Variants in FOXN3 observed in about 807,000 individuals in gnomAD.
FOXN3 encodes forkhead box protein N3.
FOXN3 carries 7 observed loss-of-function variants against 38.4 expected under a neutral mutation model. That is an observed-to-expected ratio of 0.18 (90% CI 0.10 to 0.34). The LOEUF is 0.34. Ranked by LOEUF, FOXN3 falls within the 10% of genes least tolerant of loss-of-function variation. The probability of loss-of-function intolerance (pLI) is 1.00; values close to 1 mark genes in which losing one functional copy is unlikely to be tolerated. For missense variants in FOXN3, 456 were observed against 613.4 expected, an observed-to-expected ratio of 0.74 and a Z score of 2.71; for synonymous variants, 230 against 242.2, an observed-to-expected ratio of 0.95 and a Z score of 0.47.
intron 1 of FOXN3, among the ~76,000 whole-genome samples, chr14:89,415,884 C>CACACACACACACACACACACA (rs1566647933): frequency 3.2e-5 from 3 of 93,300 alleles, no homozygotes; most frequent in African/African-American, 1.1e-4. Context: ...ACACACACAC[C>CACACACACACACACACACACA]CTCTTTTGTT....
chr14:89,218,724 G>A (rs923183979), intron 4 of FOXN3, among the ~76,000 whole-genome samples: 1 of 152,106 alleles, frequency 6.6e-6, no homozygotes, highest in African/African-American at 2.4e-5. Flanking sequence ...CCTTGCACAC[G>A]TCTGGCTGTG....
intron 1 of FOXN3, among the ~76,000 whole-genome samples, chr14:89,424,872 T>C (rs1891989473): frequency 6.6e-6 from 1 of 152,018 alleles, no homozygotes; most frequent in African/African-American, 2.4e-5. Context: ...GTTATTTTTA[T>C]TTTTCAGATC....
intron 2 of FOXN3, among the ~76,000 whole-genome samples, chr14:89,405,405 G>A (rs1161752183): frequency 2.6e-5 from 4 of 152,014 alleles, no homozygotes; most frequent in African/African-American, 9.7e-5. Context: ...CTAAAGTGTG[G>A]GATTACAGAC....
intron 3 of FOXN3, among the ~76,000 whole-genome samples, chr14:89,299,030 C>A (rs1042686586): frequency 4.1e-5 from 6 of 147,328 alleles, no homozygotes; most frequent in Admixed American, 3.3e-4. Context: ...AGTTCTCCAG[C>A]TGCTTCCCTG....
At chr14:89,375,663 A>T (rs1252482520) in intron 2 of FOXN3, among the ~76,000 whole-genome samples, 1 of 152,170 alleles carries the variant, frequency 6.6e-6, no homozygotes, top group East Asian at 1.9e-4. Flanking sequence ...CTAAGAAAAA[A>T]CTCAGTAACA....
chr14:89,492,902 G>T (rs1407509961), intron 1 of FOXN3, among the ~76,000 whole-genome samples: 1 of 152,140 alleles, frequency 6.6e-6, no homozygotes, highest in Non-Finnish European at 1.5e-5. Context: ...TCAAGTCCCT[G>T]GTTTATAATC....
At chr14:89,574,144 T>C (rs887998794) in intron 1 of FOXN3, among the ~76,000 whole-genome samples, 4 of 152,180 alleles carry the variant, frequency 2.6e-5, no homozygotes, top group Non-Finnish European at 4.4e-5. Flanking sequence ...TTTGCAATTA[T>C]TGTTGGTCTG....
At chr14:89,579,725 C>T (rs1039592487) in intron 1 of FOXN3, among the ~76,000 whole-genome samples, 4 of 152,108 alleles carry the variant, frequency 2.6e-5, no homozygotes, top group African/African-American at 7.2e-5. Context: ...GCAGAGAACC[C>T]GTATCTGGCC....
chr14:89,471,377 G>A (rs1161383814), intron 1 of FOXN3, among the ~76,000 whole-genome samples: 1 of 152,090 alleles, frequency 6.6e-6, no homozygotes, highest in Non-Finnish European at 1.5e-5. Context: ...CAAGGTGGAT[G>A]GATTGCTTGA....
At chr14:89,253,668 T>C (rs182178913) in intron 4 of FOXN3, among the ~76,000 whole-genome samples, 73 of 152,306 alleles carry the variant, frequency 4.8e-4, no homozygotes, top group Non-Finnish European at 7.4e-4. Context: ...AAAAACAGAA[T>C]GTACAGACAT....
intron 1 of FOXN3, among the ~76,000 whole-genome samples, chr14:89,580,717 T>G (rs1393843122): frequency 6.6e-6 from 1 of 152,240 alleles, no homozygotes; most frequent in Non-Finnish European, 1.5e-5. Flanking sequence ...GCTCCATAAT[T>G]GATGCAAGTT....
chr14:89,422,779 G>A (rs1891942139), intron 1 of FOXN3, among the ~76,000 whole-genome samples: 1 of 152,154 alleles, frequency 6.6e-6, no homozygotes, highest in South Asian at 2.1e-4. Flanking sequence ...CTGGGAAAGG[G>A]CTTATTAGAA....
chr14:89,334,184 T>C (rs962082249), intron 3 of FOXN3, among the ~76,000 whole-genome samples: 2 of 151,534 alleles, frequency 1.3e-5, no homozygotes, highest in South Asian at 2.1e-4. Context: ...CACTTATATA[T>C]GGAATTTTAA....
chr14:89,428,844 T>C (rs1028429525), intron 1 of FOXN3, among the ~76,000 whole-genome samples: 1 of 152,232 alleles, frequency 6.6e-6, no homozygotes, highest in Non-Finnish European at 1.5e-5. Context: ...AAGGTGGGCA[T>C]GCCACGGTGT....
At chr14:89,535,161 T>A (rs1894658957) in intron 1 of FOXN3, among the ~76,000 whole-genome samples, 1 of 152,066 alleles carries the variant, frequency 6.6e-6, no homozygotes, top group Admixed American at 6.6e-5. Flanking sequence ...TGGCATGACA[T>A]GCCTAATGTT....
intron 1 of FOXN3, among the ~76,000 whole-genome samples, chr14:89,481,768 G>T (rs375413664): frequency 2.0e-5 from 3 of 152,180 alleles, no homozygotes; most frequent in Non-Finnish European, 1.5e-5. Flanking sequence ...AAAAAGCTGA[G>T]AAGAGTGTCT....
At chr14:89,291,153 G>T in intron 3 of FOXN3, 2 of 499,186 alleles carry the variant, frequency 4.0e-6, no homozygotes, top group Non-Finnish European at 4.0e-6. Flanking sequence ...GTTGACGTAA[G>T]TACCCAAGTT....
chr14:89,285,969 C>T (rs1418548978), intron 3 of FOXN3, among the ~76,000 whole-genome samples: 1 of 151,498 alleles, frequency 6.6e-6, no homozygotes, highest in Admixed American at 6.6e-5. Flanking sequence ...TGGACTCAAG[C>T]AATCCTCCTG....
chr14:89,583,357 G>C (rs752300593), intron 1 of FOXN3, among the ~76,000 whole-genome samples: 10 of 152,168 alleles, frequency 6.6e-5, no homozygotes, highest in Non-Finnish European at 1.3e-4. Flanking sequence ...TGCCGCTATA[G>C]AGGGGCTTTC....
Sources: gnomAD v4.1 joint callset for allele counts (sites outside exome capture counted in the v4.1 genomes callset) on GRCh38, gnomAD v4.1.1 for gene constraint, MANE v1.5 for transcripts, NCBI Gene and HGNC (gene_info 2026-07-23, HGNC 2026-07-21) for gene names.